The following ATP1A1 variants were observed in gnomAD, a reference collection of about 807,000 sequenced individuals.
The protein encoded by ATP1A1 is ATPase Na+/K+ transporting subunit alpha 1, also known as sodium/potassium-transporting ATPase subunit alpha-1.
ATP1A1 carries 14 observed loss-of-function variants against 114.8 expected under a neutral mutation model. The observed-to-expected ratio is 0.12, with a 90% CI of 0.08 to 0.19. The LOEUF (loss-of-function observed/expected upper bound fraction) is 0.19. Among genes scored for constraint, ATP1A1 ranks in the 10% least tolerant of loss-of-function variants. The pLI, the probability that ATP1A1 is intolerant of heterozygous loss-of-function variation, is 1.00. For synonymous variants in ATP1A1, 471 were observed against 466.3 expected (o/e 1.01, Z -0.13); for missense variants, 524 against 1,290.7 (o/e 0.41, Z 9.10).
At position 116,389,833 on chromosome 1, in the gene ATP1A1, G is replaced by T. The variant is rs1652324410; in HGVS notation, c.1023+126G>T. 1 of 1,349,830 alleles carries T rather than the reference G, an allele frequency of 7.4e-7. No homozygotes were observed. The highest frequency in any genetic ancestry group is 2.5e-5 in the East Asian group (1 of 40,240). The allele number at this position is 1,349,830 out of a possible 1,614,324, so 83.6% of individuals were successfully genotyped here. A position where few individuals can be genotyped will look rare whatever the true frequency, so the allele number is the denominator to read the frequency against. On this transcript the variant is annotated intron_variant, in intron 8 of 22. Coordinates refer to ENST00000295598, the MANE Select transcript of ATP1A1 (RefSeq NM_000701.8). The surrounding 1 kb of genome is among the most constrained non-coding windows in gnomAD (Gnocchi z 6.9). Reference sequence around the variant, plus strand: ...CTGGATGTTTGATATAGTTCTTCTTGAGAGCCACATCACGTGGTGAATTTT... The same window carrying T: ...CTGGATGTTTGATATAGTTCTTCTTTAGAGCCACATCACGTGGTGAATTTT...
At chr1:116,376,490 A>G (rs914572550) in intron 1 of ATP1A1, among the ~76,000 whole-genome samples, 2 of 152,172 alleles carry the variant, frequency 1.3e-5, no homozygotes, top group Non-Finnish European at 2.9e-5. Context: ...TACAGGAAGA[A>G]CTAGTGCCTA....
chr1:116,396,701 G>T lies in ATP1A1; in HGVS notation c.1940G>T (p.Arg647Leu). The stretch of plus-strand genomic sequence containing the variant: ...GAGACCGTGGAAGACATTGCTGCCC[G>T]CCTCAACATCCCAGTCAGCCAGGTG... ...GNETVEDIAA[R>L]LNIPVSQVNP... Residue 647 changes from arginine to leucine, a missense_variant, in exon 14 of 23, where the codon CGC (arginine) becomes CTC (leucine). Arg to Leu is a moderately radical substitution (Grantham distance 102). This residue lies in a region of ATP1A1 where 47 missense variants were observed against 79.8 expected (regional missense o/e 0.59). Transcript: ENST00000295598. The T allele has an allele frequency of 1.3e-6, 2 of 1,596,226 alleles. No homozygotes were observed. The highest frequency in any genetic ancestry group is 1.7e-6 in the Non-Finnish European group (2 of 1,168,902).
Position 116,385,399 on chromosome 1 carries a change from C to G in ATP1A1, c.183+557C>G. On this transcript the variant is annotated intron_variant, in intron 3 of 22. Transcript: ENST00000295598. The surrounding 1 kb of genome is among the most constrained non-coding windows in gnomAD (Gnocchi z 4.3). ...GAGGATTTTGATATTAAATGTGTAA[C>G]AAATGTTATAAAAGTAAATAGTCTA... 6.4e-6 allele frequency: 1 copy of G among 155,426 alleles called. No homozygotes were observed. The highest frequency in any genetic ancestry group is 1.4e-5 in the Non-Finnish European group (1 of 70,514). The allele number at this position is 155,426 out of a possible 1,614,324, so 9.6% of individuals were successfully genotyped here.
chr1:116,404,560 G>A lies in ATP1A1; in HGVS notation c.*116G>A, dbSNP rs772774743. 2.0e-4 allele frequency: 282 copies of A among 1,440,270 alleles called. No homozygotes were observed. Among genetic ancestry groups the A allele is most frequent in the Non-Finnish European group, 2.4e-4 (262 of 1,098,610 alleles). The allele number at this position is 1,440,270 out of a possible 1,614,324, so 89.2% of individuals were successfully genotyped here. Reference sequence around the variant, plus strand: ...AACTCTACCCTGGTAGGAAAGCACCGCAGCATGTGGGGAAGCAAGACGTCC... The same window carrying A: ...AACTCTACCCTGGTAGGAAAGCACCACAGCATGTGGGGAAGCAAGACGTCC... On this transcript the variant is annotated 3_prime_UTR_variant, in exon 23 of 23. Transcript: ENST00000295598. The surrounding 1 kb of genome is among the most constrained non-coding windows in gnomAD (Gnocchi z 4.8).
chr1:116,394,313 T>C (rs568455893), intron 12 of ATP1A1, among the ~76,000 whole-genome samples: 1 of 152,360 alleles, frequency 6.6e-6, no homozygotes, highest in South Asian at 2.1e-4. Flanking sequence ...TATAATACTT[T>C]GTAGGTTGAC....
chr1:116,373,564 C>T, intron 1 of ATP1A1, 41 bp downstream of exon 1: 1 of 1,414,922 alleles, frequency 7.1e-7, no homozygotes. Flanking sequence ...TCGGGGAGCC[C>T]TCGAGGGGAA....
chr1:116,388,618 A>C lies in ATP1A1; in HGVS notation c.502-20A>C, dbSNP rs758481706. On this transcript the variant is annotated intron_variant, in intron 5 of 22. Coordinates refer to ENST00000295598, the MANE Select transcript of ATP1A1 (RefSeq NM_000701.8). This position sits in a 1 kb window ranked among gnomAD's most constrained non-coding sequence, Gnocchi z 5.6. Reference sequence around the variant, plus strand: ...CTCTTTGTTGGTATACTAACGGTGTAAATTGTTTCTTTTCCAAAGCAAGCC... The same window carrying C: ...CTCTTTGTTGGTATACTAACGGTGTCAATTGTTTCTTTTCCAAAGCAAGCC... 5.6e-6 allele frequency: 9 copies of C among 1,612,834 alleles called. No homozygotes were observed. The highest frequency in any genetic ancestry group is 6.8e-6 in the Non-Finnish European group (8 of 1,179,342).
rs758420410 is a variant in ATP1A1, at chr1:116,388,253, C to T, written c.501+9C>T. ...AAAACATGGTCCCTCAGGTACCAGA[C>T]GCTTTGTCCTTCCCCAGTGGATGAC... On this transcript the variant is annotated intron_variant, in intron 5 of 22. Coordinates refer to ENST00000295598, the MANE Select transcript of ATP1A1 (RefSeq NM_000701.8). The surrounding 1 kb of genome is among the most constrained non-coding windows in gnomAD (Gnocchi z 5.6). 1.8e-5 allele frequency: 29 copies of T among 1,589,188 alleles called. No homozygotes were observed. The highest frequency in any genetic ancestry group is 8.3e-5 in the Admixed American group (5 of 59,938).
rs1652192847 is a variant in ATP1A1, at chr1:116,387,681, C to T, written c.387+190C>T. On this transcript the variant is annotated intron_variant, in intron 4 of 22. Transcript: ENST00000295598. The surrounding 1 kb of genome is among the most constrained non-coding windows in gnomAD (Gnocchi z 6.7). ...CGTTTCCATTTCCTCTCTCTACCAC[C>T]CACGTTGTAGATGCTCTTACAAGTG... 6.6e-6 allele frequency among the ~76,000 whole-genome samples: 1 copy of T among 152,234 alleles called. No individual in the cohort carries two copies. The highest frequency in any genetic ancestry group is 1.5e-5 in the Non-Finnish European group (1 of 68,058).
chr1:116,397,854 C>G lies in ATP1A1; in HGVS notation c.1974-34C>G. 6.4e-7 allele frequency: 1 copy of G among 1,570,478 alleles called. No homozygotes were observed. The highest frequency in any genetic ancestry group is 8.7e-7 in the Non-Finnish European group (1 of 1,152,986). ...ATGGACACATGCTGGTGATGTGATG[C>G]GTGACTTTTTTTTTTTTTTTGTCCT... On this transcript the variant is annotated intron_variant, in intron 14 of 22. Transcript: ENST00000295598. This position sits in a 1 kb window ranked among gnomAD's most constrained non-coding sequence, Gnocchi z 4.2.
At position 116,404,378 on chromosome 1, in the gene ATP1A1, A is replaced by G. The variant is rs1202776311; in HGVS notation, c.3044-38A>G. On this transcript the variant is annotated intron_variant, in intron 22 of 22. Coordinates refer to ENST00000295598, the MANE Select transcript of ATP1A1 (RefSeq NM_000701.8). This position sits in a 1 kb window ranked among gnomAD's most constrained non-coding sequence, Gnocchi z 4.8. ...TGTAATGCTGGAGCGAGGAAGACTC[A>G]CTGTAGTGTGTCTTGTCTGTCTCTT... 6.2e-7 allele frequency: 1 copy of G among 1,613,280 alleles called. No homozygotes were observed. Among genetic ancestry groups the G allele is most frequent in the Admixed American group, 1.7e-5 (1 of 60,002 alleles).
intron 12 of ATP1A1, among the ~76,000 whole-genome samples, chr1:116,394,699 G>C (rs1389972291): frequency 6.6e-6 from 1 of 152,182 alleles, no homozygotes. Flanking sequence ...AAATGAACAA[G>C]AGAGCAGAGG....
intron 12 of ATP1A1, among the ~76,000 whole-genome samples, chr1:116,394,559 CATTATCT>C (rs1652749350): frequency 6.6e-6 from 1 of 152,022 alleles, no homozygotes; most frequent in Non-Finnish European, 1.5e-5. Context: ...GAATGTCTTA[CATTATCT>C]TGATTCTTGT....
At position 116,373,325 on chromosome 1, in the gene ATP1A1, G is replaced by A. The variant is rs1043783102; in HGVS notation, c.-187G>A. The A allele has an allele frequency of 1.4e-5, 7 of 489,716 alleles. No individual in the cohort carries two copies. Among genetic ancestry groups the A allele is most frequent in the African/African-American group, 8.2e-5 (4 of 49,040 alleles). The allele number at this position is 489,716 out of a possible 1,614,324, so 30.3% of individuals were successfully genotyped here. ...CAACAGCGGTAGCAGCCCGGGCGGC[G>A]GCAGCAACAGCGGCGGCGGCATCGG... On this transcript the variant is annotated 5_prime_UTR_variant, in exon 1 of 23. Coordinates refer to ENST00000295598, the MANE Select transcript of ATP1A1 (RefSeq NM_000701.8).
At chr1:116,403,863 G>T in intron 21 of ATP1A1, 21 bp from the exon 22 acceptor site, 3 of 1,583,052 alleles carry the variant, frequency 1.9e-6, no homozygotes, top group Non-Finnish European at 1.7e-6. Context: ...CATATAAATT[G>T]GTACCTTACT....
Position 116,388,471 on chromosome 1 carries a change from T to C in ATP1A1, c.502-167T>C. ...AGGCACACCATGTAACAGCAATATCTCTTAAACTGGCGAGCAAGCTTTTGT... is the reference window on the plus strand; with the variant it reads ...AGGCACACCATGTAACAGCAATATCCCTTAAACTGGCGAGCAAGCTTTTGT... On this transcript the variant is annotated intron_variant, in intron 5 of 22. Coordinates refer to ENST00000295598, the MANE Select transcript of ATP1A1 (RefSeq NM_000701.8). This position sits in a 1 kb window ranked among gnomAD's most constrained non-coding sequence, Gnocchi z 5.6. 1 of 1,071,578 alleles carries C rather than the reference T, an allele frequency of 9.3e-7. No individual in the cohort carries two copies. The highest frequency in any genetic ancestry group is 1.3e-6 in the Non-Finnish European group (1 of 760,266). The allele number at this position is 1,071,578 out of a possible 1,614,324, so 66.4% of individuals were successfully genotyped here.
Position 116,401,322 on chromosome 1 carries a change from C to A in ATP1A1, c.2849+62C>A, listed in dbSNP as rs570856434. ...AGAAGGGGACTGGTGATTTGTAAAC[C>A]CTTTGCCAAAAACTAAACATATGAC... On this transcript the variant is annotated intron_variant, in intron 20 of 22. Transcript: ENST00000295598. The surrounding 1 kb of genome is among the most constrained non-coding windows in gnomAD (Gnocchi z 4.7). 7.5e-6 allele frequency: 12 copies of A among 1,605,414 alleles called. No homozygotes were observed. The South Asian group carries it at 1.3e-4, about 18-fold the overall frequency.
intron 14 of ATP1A1, 26 bp downstream of exon 14, chr1:116,396,760 T>C: frequency 6.5e-7 from 1 of 1,546,974 alleles, no homozygotes; most frequent in Non-Finnish European, 8.7e-7. Context: ...CAAATCACAG[T>C]CTGCTGTGAA....
chr1:116,389,645 G>A lies in ATP1A1; in HGVS notation c.961G>A (p.Val321Ile), dbSNP rs2101045583. 1 of 1,614,204 alleles carries A rather than the reference G, an allele frequency of 6.2e-7. No homozygotes were observed. Among genetic ancestry groups the A allele is most frequent in the Non-Finnish European group, 8.5e-7 (1 of 1,180,040 alleles). The change falls in exon 8 of 23, where the codon GTC (valine) becomes ATC (isoleucine). Residue 321 changes from valine (V) to isoleucine (I), a missense_variant. By Grantham distance (29) the Val-to-Ile change is conservative. Transcript: ENST00000295598. This position sits in a 1 kb window ranked among gnomAD's most constrained non-coding sequence, Gnocchi z 6.9. ...CCTTGAGTACACCTGGCTTGAGGCT[G>A]TCATCTTCCTCATCGGTATCATCGT... ...LILEYTWLEA[V>I]IFLIGIIVAN...
Sources: allele counts gnomAD v4.1 joint callset (sites outside exome capture counted in the v4.1 genomes callset), GRCh38; gene constraint gnomAD v4.1.1; regional missense constraint gnomAD v4.1.1; non-coding constraint Gnocchi (gnomAD v3.1); transcripts MANE v1.5; gene names NCBI Gene and HGNC (gene_info 2026-07-23, HGNC 2026-07-21).